Variants in CEP112 observed in about 807,000 individuals in gnomAD.
CEP112 encodes the protein centrosomal protein of 112 kDa.
CEP112 carries 127 observed loss-of-function variants against 153.0 expected under a neutral mutation model. That is an observed-to-expected ratio of 0.83 (90% CI 0.72 to 0.96). CEP112 has a LOEUF of 0.96. CEP112 is among the 40% of genes least tolerant of loss of function. The probability of loss-of-function intolerance (pLI) is 0.00; values close to 1 mark genes in which losing one functional copy is unlikely to be tolerated. For missense variants in CEP112, 1,089 were observed against 1,101.2 expected (o/e 0.99, Z 0.16); for synonymous variants, 358 against 374.4 (o/e 0.96, Z 0.51).
chr17:65,906,726 G>A (rs909954794), intron 19 of CEP112, among the ~76,000 whole-genome samples: 1 of 152,024 alleles, frequency 6.6e-6, no homozygotes, highest in Admixed American at 6.5e-5. Flanking sequence ...TAAAATAAAT[G>A]TGTATGCTTT....
chr17:65,640,503 C>T (rs557599613), intron 25 of CEP112, among the ~76,000 whole-genome samples: 1 of 152,258 alleles, frequency 6.6e-6, no homozygotes, highest in African/African-American at 2.4e-5. Context: ...GTTTGAATAC[C>T]TTGTCATTAT....
chr17:65,936,846 C>T lies in CEP112; in HGVS notation c.1873-9157G>A, dbSNP rs549091286. ...CGGTCTCCCTCTCCCTCTCTTTCCA[C>T]GGTCTCCCTCTGATGCCGAGCCGAA... On this transcript the variant is annotated intron_variant, in intron 18 of 26. Coordinates refer to ENST00000535342, the MANE Select transcript of CEP112 (RefSeq NM_001199165.4). 3.9e-4 allele frequency among the ~76,000 whole-genome samples: 51 copies of T among 131,514 alleles called. 1 individual carries two copies. Among genetic ancestry groups the T allele is most frequent in the African/African-American group, 1.2e-3 (45 of 36,630 alleles). The allele number at this position is 131,514 out of a possible 152,430, so 86.3% of individuals were successfully genotyped here.
intron 21 of CEP112, among the ~76,000 whole-genome samples, chr17:65,810,322 C>T (rs1343197398): frequency 6.6e-6 from 1 of 151,908 alleles, no homozygotes; most frequent in Non-Finnish European, 1.5e-5. Context: ...TTCCTAGCCC[C>T]CTGCAGGTAG....
chr17:65,902,390 A>C, intron 19 of CEP112, 56 bp from the exon 20 acceptor site: 2 of 1,478,566 alleles, frequency 1.4e-6, no homozygotes, highest in Non-Finnish European at 1.8e-6. Flanking sequence ...TCGTCATGAC[A>C]ACTCATGTAC....
chr17:65,650,733 A>AAAT (rs1435533369), intron 24 of CEP112, among the ~76,000 whole-genome samples: 4,549 of 101,616 alleles, frequency 0.045, 424 homozygotes, highest in African/African-American at 0.2. Context: ...TCTCTACTAA[A>AAAT]AAAAAAAAAA....
chr17:66,096,717 C>A (rs1463660927), intron 6 of CEP112, 85 bp from the exon 7 acceptor site: 1 of 817,142 alleles, frequency 1.2e-6, no homozygotes, highest in Non-Finnish European at 2.0e-6. Context: ...AATTAAGCTG[C>A]CATATGAAAC....
At chr17:65,727,941 AAAG>A (rs373510784) in intron 23 of CEP112, among the ~76,000 whole-genome samples, 163 of 152,326 alleles carry the variant, frequency 1.1e-3, no homozygotes, top group African/African-American at 3.7e-3. Context: ...AAGACAAGTA[AAAG>A]AAGTATCATA....
At chr17:66,048,236 G>C (rs1199537756) in intron 12 of CEP112, among the ~76,000 whole-genome samples, 3 of 152,060 alleles carry the variant, frequency 2.0e-5, no homozygotes, top group African/African-American at 7.2e-5. Flanking sequence ...TGATGAACAA[G>C]GAAGGAAGAC....
chr17:65,923,157 A>G (rs7215420), intron 19 of CEP112, among the ~76,000 whole-genome samples: 3 of 151,900 alleles, frequency 2.0e-5, no homozygotes, highest in Non-Finnish European at 4.4e-5. Context: ...CCATTTTTTT[A>G]AAAAAAAGAA....
chr17:66,081,240 T>A (rs1346557723), intron 8 of CEP112, among the ~76,000 whole-genome samples: 1 of 152,124 alleles, frequency 6.6e-6, no homozygotes, highest in East Asian at 1.9e-4. Context: ...CAAAATCTGG[T>A]AAAATAAAAA....
At chr17:65,740,626 T>C (rs2051073717) in intron 23 of CEP112, among the ~76,000 whole-genome samples, 1 of 152,204 alleles carries the variant, frequency 6.6e-6, no homozygotes, top group Non-Finnish European at 1.5e-5. Context: ...TCTCCATTCT[T>C]GATCACCAGC....
chr17:65,998,282 C>T (rs750623325), intron 17 of CEP112, among the ~76,000 whole-genome samples: 16 of 140,852 alleles, frequency 1.1e-4, no homozygotes, highest in Non-Finnish European at 2.1e-4. Context: ...CCTCAGGAAA[C>T]TGGGGTGGGA....
chr17:65,767,524 A>G (rs2053059808), intron 21 of CEP112, among the ~76,000 whole-genome samples: 1 of 128,350 alleles, frequency 7.8e-6, no homozygotes, highest in South Asian at 2.6e-4. Flanking sequence ...AAGGAAATTA[A>G]TAAATATCAG....
At chr17:66,040,054 C>G (rs868338917) in intron 12 of CEP112, among the ~76,000 whole-genome samples, 2 of 152,120 alleles carry the variant, frequency 1.3e-5, no homozygotes, top group African/African-American at 4.8e-5. Context: ...GTACAGATTT[C>G]TTTTGGTTAT....
chr17:65,749,492 A>G (rs2051686634), intron 22 of CEP112, among the ~76,000 whole-genome samples: 1 of 152,028 alleles, frequency 6.6e-6, no homozygotes, highest in South Asian at 2.1e-4. Context: ...TGGGCAACAG[A>G]GCGAGGCTCT....
At chr17:65,972,564 A>G (rs1401753194) in intron 17 of CEP112, among the ~76,000 whole-genome samples, 1 of 152,232 alleles carries the variant, frequency 6.6e-6, no homozygotes, top group Non-Finnish European at 1.5e-5. Flanking sequence ...ACAGAAGAAC[A>G]TTAGGCAAAA....
At chr17:65,650,904 TTC>T (rs1356768875) in intron 24 of CEP112, among the ~76,000 whole-genome samples, 2 of 151,744 alleles carry the variant, frequency 1.3e-5, no homozygotes, top group Non-Finnish European at 2.9e-5. Context: ...TCTCTTTTTT[TTC>T]TCTCTTTCTC....
At chr17:65,994,527 C>T (rs1017316212) in intron 17 of CEP112, among the ~76,000 whole-genome samples, 2 of 152,088 alleles carry the variant, frequency 1.3e-5, no homozygotes, top group Non-Finnish European at 2.9e-5. Flanking sequence ...TGGGGTCTTG[C>T]TACATTGCCT....
chr17:65,774,154 A>G (rs1203302176), intron 21 of CEP112, among the ~76,000 whole-genome samples: 1 of 151,524 alleles, frequency 6.6e-6, no homozygotes, highest in African/African-American at 2.4e-5. Context: ...CAGGGCGGGG[A>G]ATAAGAATAC....
Sources: allele counts gnomAD v4.1 joint callset (sites outside exome capture counted in the v4.1 genomes callset), GRCh38; gene constraint gnomAD v4.1.1; transcripts MANE v1.5; gene names NCBI Gene and HGNC (gene_info 2026-07-23, HGNC 2026-07-21).